The following GMEB1 variants were observed in gnomAD, a reference collection of about 807,000 sequenced individuals.
GMEB1 encodes the protein glucocorticoid modulatory element-binding protein 1.
Under a neutral mutation model 52.4 loss-of-function variants are expected in GMEB1, and 6 were observed. That is an observed-to-expected ratio of 0.11 (90% CI 0.06 to 0.23). The LOEUF is 0.23. Among genes scored for constraint, GMEB1 ranks in the 10% least tolerant of loss-of-function variants. The pLI, the probability that GMEB1 is intolerant of heterozygous loss-of-function variation, is 1.00. For synonymous variants in GMEB1, 255 were observed against 244.9 expected, an observed-to-expected ratio of 1.04 and a Z score of -0.38; for missense variants, 486 against 685.6, an observed-to-expected ratio of 0.71 and a Z score of 3.25.
chr1:28,679,658 A>G (rs61786040), intron 1 of GMEB1, among the ~76,000 whole-genome samples: 22,072 of 152,046 alleles, frequency 0.15, 1,966 homozygotes, highest in Non-Finnish European at 0.19. Flanking sequence ...GATGTGAGGT[A>G]GAGACTCAAT....
In GMEB1 at chr1:28,714,661, G is replaced by A. The variant is rs770644209; in HGVS notation, c.1580G>A (p.Gly527Asp). ...APDPEAEDTE[G>D]KAVILETELR... Reference sequence around the variant, plus strand: ...GACCCAGAAGCTGAAGATACTGAGGGCAAAGCAGTCATCTTGGAGACAGAG... The same window carrying A: ...GACCCAGAAGCTGAAGATACTGAGGACAAAGCAGTCATCTTGGAGACAGAG... Residue 527 changes from glycine (G) to aspartate (D), a missense_variant, in exon 10 of 10, where the codon GGC becomes GAC. Around this residue, in one of 5 missense-constraint regions of GMEB1, gnomAD observed 153 missense variants for 200.8 expected, o/e 0.76. Transcript: ENST00000373816. 5 of 1,614,122 alleles carry A rather than the reference G, an allele frequency of 3.1e-6. No individual in the cohort carries two copies. The highest frequency in any genetic ancestry group is 2.7e-5 in the African/African-American group (2 of 75,034).
rs1287570071 is a variant in GMEB1, at chr1:28,687,381, CACACACAA to C, written c.129-2721_129-2714del. On this transcript the variant is annotated intron_variant, in intron 2 of 9. Coordinates refer to ENST00000373816, the MANE Select transcript of GMEB1 (RefSeq NM_001319674.2). The stretch of plus-strand genomic sequence containing the variant: ...ACACACACACACACACACACACACA[CACACACAA>C]AAAAAGACAGTGGAGAATAATGTTC... Among the ~76,000 whole-genome samples, 29 of 27,164 alleles carry C rather than the reference CACACACAA, an allele frequency of 1.1e-3. 5 individuals are homozygous for C. The highest frequency in any genetic ancestry group is 3.2e-3 in the African/African-American group (26 of 8,018). 17.8% of individuals were successfully genotyped at this position (27,164 alleles called of 152,430 possible).
rs199862681 is a variant in GMEB1 at position 28,716,097 on chromosome 1, CAAAA to C, written c.*1330_*1333del. ...CTGGGCGAGGAGTGAAACTCCGTCT[CAAAA>C]AAAAAGAAAGAAATGGAAAGCCAAG... On this transcript the variant is annotated 3_prime_UTR_variant, in exon 10 of 10. Transcript: ENST00000373816. 1.3e-5 allele frequency: 2 copies of C among 150,728 alleles called. No homozygotes were observed. Among genetic ancestry groups the C allele is most frequent in the Non-Finnish European group, 3.0e-5 (2 of 67,766 alleles). The allele number at this position is 150,728 out of a possible 1,614,324, so 9.3% of individuals were successfully genotyped here. A position where few individuals can be genotyped will look rare whatever the true frequency, so the allele number is the denominator to read the frequency against.
At chr1:28,680,488 G>A (rs1159825438) in intron 1 of GMEB1, among the ~76,000 whole-genome samples, 3 of 152,038 alleles carry the variant, frequency 2.0e-5, no homozygotes, top group African/African-American at 7.2e-5. Flanking sequence ...TATAATCCTA[G>A]CACTTTGGGA....
intron 1 of GMEB1, among the ~76,000 whole-genome samples, chr1:28,675,232 T>C (rs1276831112): frequency 6.6e-6 from 1 of 151,452 alleles, no homozygotes; most frequent in Non-Finnish European, 1.5e-5. Context: ...TTAGCCAGGA[T>C]GGTCTTGATC....
At chr1:28,680,182 A>G (rs6676557) in intron 1 of GMEB1, among the ~76,000 whole-genome samples, 28,531 of 151,808 alleles carry the variant, frequency 0.19, 3,330 homozygotes, top group Middle Eastern at 0.29. Flanking sequence ...GGAGTTCAAG[A>G]CCAGCCTGGG....
At chr1:28,692,668 C>A (rs1670020934) in intron 4 of GMEB1, among the ~76,000 whole-genome samples, 1 of 152,102 alleles carries the variant, frequency 6.6e-6, no homozygotes. Context: ...CACACTAGAC[C>A]TGATTCCAGG....
At chr1:28,687,588 T>G (rs981376961) in intron 2 of GMEB1, among the ~76,000 whole-genome samples, 1 of 152,008 alleles carries the variant, frequency 6.6e-6, no homozygotes, top group Non-Finnish European at 1.5e-5. Context: ...TGGAGCTTTA[T>G]TTTAACAATG....
At chr1:28,689,787 T>C (rs1186305582) in intron 2 of GMEB1, 1 of 209,518 alleles carries the variant, frequency 4.8e-6, no homozygotes, top group Non-Finnish European at 9.4e-6. Context: ...GTTCCACTAC[T>C]GAGATTTAAA....
At chr1:28,695,856 G>A (rs1486238969) in intron 5 of GMEB1, among the ~76,000 whole-genome samples, 2 of 133,226 alleles carry the variant, frequency 1.5e-5, no homozygotes, top group East Asian at 2.4e-4. Flanking sequence ...GGAGAATGGC[G>A]TGAACCCGGG....
intron 8 of GMEB1, among the ~76,000 whole-genome samples, chr1:28,710,280 C>T (rs1473422074): frequency 1.3e-5 from 2 of 152,226 alleles, no homozygotes; most frequent in Non-Finnish European, 2.9e-5. Flanking sequence ...GTTGGGATTA[C>T]AGGCATGTGC....
At chr1:28,703,221 A>C (rs891108902) in intron 7 of GMEB1, among the ~76,000 whole-genome samples, 1 of 152,148 alleles carries the variant, frequency 6.6e-6, no homozygotes, top group African/African-American at 2.4e-5. Flanking sequence ...AATAGGTGGC[A>C]AGTGTTGTAG....
chr1:28,702,484 A>G lies in GMEB1; in HGVS notation c.645A>G (p.Ala215=). The G allele has an allele frequency of 6.2e-7, 1 of 1,613,458 alleles. No individual in the cohort carries two copies. The highest frequency in any genetic ancestry group is 8.5e-7 in the Non-Finnish European group (1 of 1,179,430). The change falls in exon 7 of 10, where the codon GCA becomes GCG. Residue 215 remains alanine, a synonymous_variant. Transcript: ENST00000373816. ...TCTCAGAAGAGAGCATGGAAGAGGC[A>G]GGGCTGGAATGGAACTCAGCTCTCA... ...IAISEESMEE[A]GLEWNSALTA...
At chr1:28,682,619 C>CA (rs59900537) in intron 1 of GMEB1, among the ~76,000 whole-genome samples, 6,387 of 53,000 alleles carry the variant, frequency 0.12, 429 homozygotes, top group African/African-American at 0.25. Flanking sequence ...GACCCTGTCT[C>CA]AAAAAAAAAA....
intron 9 of GMEB1, among the ~76,000 whole-genome samples, chr1:28,713,296 A>G (rs1333974961): frequency 6.6e-6 from 1 of 152,198 alleles, no homozygotes; most frequent in Non-Finnish European, 1.5e-5. Context: ...AAAGTGCTCT[A>G]CAAGTGTAAT....
Position 28,688,903 on chromosome 1 carries a change from C to CTTTTTTTTTT in GMEB1, c.129-1195_129-1194insTTTTTTTTTT, listed in dbSNP as rs141260036. 1.3e-3 allele frequency among the ~76,000 whole-genome samples: 184 copies of CTTTTTTTTTT among 144,314 alleles called. 7 individuals are homozygous for CTTTTTTTTTT. Among genetic ancestry groups the CTTTTTTTTTT allele is most frequent in the East Asian group, 9.9e-3 (48 of 4,846 alleles). 94.7% of individuals were successfully genotyped at this position (144,314 alleles called of 152,430 possible). The stretch of plus-strand genomic sequence containing the variant: ...CATGGGCATTTAAAGTTTTTTTTTT[C>CTTTTTTTTTT]TTTTTTGAGACAGAGTCTTGCTCCA... On this transcript the variant is annotated intron_variant, in intron 2 of 9. Transcript: ENST00000373816.
intron 9 of GMEB1, 135 bp downstream of exon 9, chr1:28,710,777 A>G: frequency 5.7e-6 from 3 of 524,784 alleles, no homozygotes; most frequent in Non-Finnish European, 9.0e-6. Flanking sequence ...AATAAAAAAA[A>G]AAGCCGCAGA....
intron 8 of GMEB1, among the ~76,000 whole-genome samples, chr1:28,707,184 G>A (rs902072993): frequency 2.0e-5 from 3 of 151,012 alleles, no homozygotes; most frequent in African/African-American, 7.3e-5. Context: ...GGGTTTCACC[G>A]TGTTAGCCAG....
intron 6 of GMEB1, among the ~76,000 whole-genome samples, chr1:28,701,663 G>A (rs1670524514): frequency 6.6e-6 from 1 of 151,778 alleles, no homozygotes; most frequent in Non-Finnish European, 1.5e-5. Context: ...TAAGCCCCTG[G>A]GCTCAGGTGA....
Sources: gnomAD v4.1 joint callset for allele counts (sites outside exome capture counted in the v4.1 genomes callset) on GRCh38, gnomAD v4.1.1 for gene constraint, gnomAD v4.1.1 regional missense constraint, MANE v1.5 for transcripts, NCBI Gene and HGNC (gene_info 2026-07-23, HGNC 2026-07-21) for gene names.